The following ASAP1 variants were observed in gnomAD, a reference collection of about 807,000 sequenced individuals.
The protein encoded by ASAP1 is arf-GAP with SH3 domain, ANK repeat and PH domain-containing protein 1.
ASAP1 carries 43 observed loss-of-function variants against 145.2 expected under a neutral mutation model. That is an observed-to-expected ratio of 0.30 (90% CI 0.23 to 0.38). The LOEUF is 0.38. Ranked by LOEUF, ASAP1 falls within the 10% of genes least tolerant of loss-of-function variation. The pLI is 1.00. For missense variants in ASAP1, 1,018 were observed against 1,355.3 expected (o/e 0.75, Z 3.91); for synonymous variants, 546 against 515.5 (o/e 1.06, Z -0.80).
chr8:130,320,456 G>A (rs1166098883), intron 3 of ASAP1, among the ~76,000 whole-genome samples: 1 of 152,120 alleles, frequency 6.6e-6, no homozygotes. Flanking sequence ...TTGGTAGGCT[G>A]AGGTGAGAGG....
chr8:130,267,820 T>A (rs1217285651), intron 3 of ASAP1, among the ~76,000 whole-genome samples: 1 of 152,164 alleles, frequency 6.6e-6, no homozygotes, highest in Non-Finnish European at 1.5e-5. Context: ...TACAAGGGGA[T>A]GTTGGGTGAG....
At chr8:130,143,411 GTT>G (rs35855151) in intron 13 of ASAP1, among the ~76,000 whole-genome samples, 12 of 142,076 alleles carry the variant, frequency 8.4e-5, no homozygotes, top group Non-Finnish European at 7.7e-5. Flanking sequence ...TGAGATGTCT[GTT>G]TTTTTTTTTT....
intron 3 of ASAP1, among the ~76,000 whole-genome samples, chr8:130,331,204 G>C (rs1414089630): frequency 6.6e-6 from 1 of 152,150 alleles, no homozygotes; most frequent in Non-Finnish European, 1.5e-5. Flanking sequence ...TGGCTATTTC[G>C]AGTGGAAAGA....
intron 4 of ASAP1, among the ~76,000 whole-genome samples, chr8:130,217,209 A>G (rs1392260268): frequency 6.6e-6 from 1 of 152,232 alleles, no homozygotes; most frequent in African/African-American, 2.4e-5. Context: ...TGTGGCGCAC[A>G]GAGAAGCATG....
At chr8:130,264,391 C>T (rs1333855080) in intron 3 of ASAP1, among the ~76,000 whole-genome samples, 4 of 152,196 alleles carry the variant, frequency 2.6e-5, no homozygotes, top group Admixed American at 2.6e-4. Flanking sequence ...GCCAAGTCCT[C>T]TCAGTCAGCA....
intron 1 of ASAP1, among the ~76,000 whole-genome samples, chr8:130,403,406 A>G (rs1278151266): frequency 1.3e-5 from 2 of 152,132 alleles, no homozygotes; most frequent in Non-Finnish European, 2.9e-5. Context: ...ACTCTCCACC[A>G]CTAGCTTAAC....
At chr8:130,430,654 G>T (rs1044815550) in intron 1 of ASAP1, among the ~76,000 whole-genome samples, 3 of 152,178 alleles carry the variant, frequency 2.0e-5, no homozygotes, top group African/African-American at 7.2e-5. Context: ...GGTAGGAGAG[G>T]GTTGGATGAT....
At chr8:130,158,795 G>A (rs537241889) in intron 12 of ASAP1, among the ~76,000 whole-genome samples, 5 of 151,486 alleles carry the variant, frequency 3.3e-5, no homozygotes, top group East Asian at 1.9e-4. Flanking sequence ...GCAGTGGTGC[G>A]ATCTCAGCTC....
intron 8 of ASAP1, among the ~76,000 whole-genome samples, chr8:130,180,268 T>TC (rs1221398433): frequency 6.6e-6 from 1 of 152,216 alleles, no homozygotes; most frequent in Non-Finnish European, 1.5e-5. Context: ...CAAGAAGTGT[T>TC]CATGTTCAAT....
chr8:130,205,382 G>GAAAAAAAA (rs771590453), intron 5 of ASAP1, among the ~76,000 whole-genome samples: 7 of 57,038 alleles, frequency 1.2e-4, no homozygotes, highest in African/African-American at 2.4e-4. Flanking sequence ...ATCCTTATAA[G>GAAAAAAAA]AAAAAAAAAA....
At chr8:130,063,124 C>G (rs2097422877) in intron 27 of ASAP1, among the ~76,000 whole-genome samples, 1 of 152,178 alleles carries the variant, frequency 6.6e-6, no homozygotes, top group East Asian at 1.9e-4. Context: ...AAGATATACA[C>G]TAACTCATCA....
At chr8:130,214,434 G>A in intron 5 of ASAP1, 122 bp downstream of exon 5, 1 of 1,017,390 alleles carries the variant, frequency 9.8e-7, no homozygotes, top group Non-Finnish European at 1.3e-6. Flanking sequence ...AAAGCTTTTT[G>A]TTTTTTCTTT....
chr8:130,287,345 G>A (rs1236324648), intron 3 of ASAP1, among the ~76,000 whole-genome samples: 1 of 152,166 alleles, frequency 6.6e-6, no homozygotes, highest in Non-Finnish European at 1.5e-5. Flanking sequence ...ATTAGGAAGA[G>A]CTTGAACAAA....
At chr8:130,071,334 G>A (rs985627297) in intron 27 of ASAP1, among the ~76,000 whole-genome samples, 3 of 152,198 alleles carry the variant, frequency 2.0e-5, no homozygotes, top group African/African-American at 7.2e-5. Flanking sequence ...TAAATATTAT[G>A]TCAAAATTCC....
intron 24 of ASAP1, among the ~76,000 whole-genome samples, chr8:130,102,812 CAT>C (rs1412970069): frequency 2.0e-5 from 3 of 152,114 alleles, no homozygotes. Flanking sequence ...CAGCCTTCTA[CAT>C]AGTTAGCACC....
chr8:130,079,633 G>A (rs1451786761), intron 26 of ASAP1, among the ~76,000 whole-genome samples: 1 of 152,094 alleles, frequency 6.6e-6, no homozygotes, highest in African/African-American at 2.4e-5. Context: ...GCACAACCCT[G>A]CGACCACCGG....
intron 2 of ASAP1, among the ~76,000 whole-genome samples, chr8:130,360,408 G>A (rs2138185922): frequency 6.6e-6 from 1 of 152,304 alleles, no homozygotes; most frequent in East Asian, 1.9e-4. Flanking sequence ...ACTGATGATG[G>A]AAGAGAAAGT....
chr8:130,238,733 T>C (rs1003836933), intron 3 of ASAP1, among the ~76,000 whole-genome samples: 1 of 152,126 alleles, frequency 6.6e-6, no homozygotes, highest in African/African-American at 2.4e-5. Flanking sequence ...AATAAATATT[T>C]ATAGAAAGGC....
At chr8:130,118,300 G>A (rs2097559707) in intron 19 of ASAP1, 54 bp from the exon 20 acceptor site, 1 of 1,550,076 alleles carries the variant, frequency 6.5e-7, no homozygotes, top group Non-Finnish European at 8.9e-7. Context: ...TGCCAAGGGA[G>A]GCTTCATATA....
Sources: allele counts gnomAD v4.1 joint callset (sites outside exome capture counted in the v4.1 genomes callset), GRCh38; gene constraint gnomAD v4.1.1; transcripts MANE v1.5; gene names NCBI Gene and HGNC (gene_info 2026-07-23, HGNC 2026-07-21).